Variants in ROBO2 observed in about 807,000 individuals in gnomAD.
The protein encoded by ROBO2 is roundabout guidance receptor 2, also known as roundabout homolog 2.
Under a neutral mutation model 160.8 loss-of-function variants are expected in ROBO2, and 53 were observed. The observed-to-expected ratio is 0.33, with a 90% CI of 0.26 to 0.41. ROBO2 has a LOEUF of 0.41. ROBO2 is among the 10% of genes least tolerant of loss of function. The pLI, the probability that ROBO2 is intolerant of heterozygous loss-of-function variation, is 1.00. For synonymous variants in ROBO2, 664 were observed against 611.7 expected, an observed-to-expected ratio of 1.09 and a Z score of -1.26; for missense variants, 1,577 against 1,722.4, an observed-to-expected ratio of 0.92 and a Z score of 1.49.
Position 76,874,756 on chromosome 3 carries a change from A to G in ROBO2, c.110-223258A>G, listed in dbSNP as rs1405922101. Among the ~76,000 whole-genome samples the G allele has an allele frequency of 2.0e-5, 3 of 152,340 alleles. No homozygotes were observed. The East Asian group carries it at 5.8e-4, about 29-fold the overall frequency. ...AGTAAACAAAATTTGAGAGATGATC[A>G]TTTAATTTCTTCACAGTTGATGCAA... On this transcript the variant is annotated intron_variant, in intron 2 of 26. Transcript: ENST00000487694.
At chr3:77,540,064 T>G (rs1372666700) in intron 6 of ROBO2, among the ~76,000 whole-genome samples, 1 of 152,180 alleles carries the variant, frequency 6.6e-6, no homozygotes, top group African/African-American at 2.4e-5. Context: ...GAAGAATAAT[T>G]TGCAAGCATT....
intron 2 of ROBO2, among the ~76,000 whole-genome samples, chr3:76,859,851 T>C (rs1171013282): frequency 6.6e-6 from 1 of 152,168 alleles, no homozygotes; most frequent in Admixed American, 6.5e-5. Context: ...GTCTTGCTGT[T>C]TAAAATTAAA....
At chr3:76,563,698 A>G (rs1374593372) in intron 2 of ROBO2, among the ~76,000 whole-genome samples, 1 of 152,180 alleles carries the variant, frequency 6.6e-6, no homozygotes, top group East Asian at 1.9e-4. Flanking sequence ...TAACTTAAAC[A>G]TTTGAACACA....
intron 2 of ROBO2, among the ~76,000 whole-genome samples, chr3:76,457,622 G>A (rs562450332): frequency 7.2e-5 from 11 of 152,288 alleles, no homozygotes; most frequent in Middle Eastern, 3.4e-3. Flanking sequence ...TGTAGAGACC[G>A]TGTGGGGGCT....
At chr3:76,337,353 C>G (rs1401195577) in intron 2 of ROBO2, among the ~76,000 whole-genome samples, 1 of 152,086 alleles carries the variant, frequency 6.6e-6, no homozygotes, top group Non-Finnish European at 1.5e-5. Context: ...ATCTTTAACT[C>G]AATTGTTAGG....
chr3:77,610,160 T>G (rs965814216), intron 21 of ROBO2, among the ~76,000 whole-genome samples: 4 of 152,050 alleles, frequency 2.6e-5, no homozygotes, highest in African/African-American at 4.8e-5. Context: ...AAAGAAAGAT[T>G]ATTGAACACA....
intron 2 of ROBO2, among the ~76,000 whole-genome samples, chr3:76,908,895 G>A (rs755153469): frequency 4.6e-5 from 7 of 152,032 alleles, no homozygotes; most frequent in Non-Finnish European, 8.8e-5. Context: ...TCCTTCAGTC[G>A]GATAAAACTA....
chr3:76,285,966 T>C (rs1354240335), intron 2 of ROBO2, among the ~76,000 whole-genome samples: 15 of 152,192 alleles, frequency 9.9e-5, no homozygotes, highest in Admixed American at 9.8e-4. Context: ...GACTCAAAAA[T>C]TATTCAAGAT....
chr3:77,074,835 G>A (rs917511248), intron 1 of ROBO2, among the ~76,000 whole-genome samples: 3 of 152,150 alleles, frequency 2.0e-5, no homozygotes, highest in Admixed American at 6.6e-5. Flanking sequence ...AGATGACGGT[G>A]AGGCAACCTT....
At chr3:77,634,782 C>A in intron 23 of ROBO2, 88 bp from the exon 25 acceptor site, 1 of 1,218,338 alleles carries the variant, frequency 8.2e-7, no homozygotes. Flanking sequence ...GGTAGATTTA[C>A]AGGTTAGTCA....
Position 77,597,712 on chromosome 3 carries a change from GGAA to G in ROBO2, c.2854+963_2854+965del, listed in dbSNP as rs796691240. 1.5e-3 allele frequency among the ~76,000 whole-genome samples: 223 copies of G among 151,076 alleles called. 1 individual carries two copies. The highest frequency in any genetic ancestry group is 5.1e-3 in the African/African-American group (210 of 41,162). ...AAATTTAAAAATGAGTCAAAAGTAT[GGAA>G]AAAAAAAAGTGTTTAGAAAAGAAGT... On this transcript the variant is annotated intron_variant, in intron 19 of 25. Coordinates refer to ENST00000461745, the Ensembl canonical transcript of ROBO2.
At chr3:77,599,635 C>G (rs934500514) in intron 19 of ROBO2, among the ~76,000 whole-genome samples, 2 of 150,472 alleles carry the variant, frequency 1.3e-5, no homozygotes, top group African/African-American at 4.9e-5. Context: ...TACCCTAAAA[C>G]TTAGAGTATA....
At chr3:76,391,754 C>T (rs1235594456) in intron 2 of ROBO2, among the ~76,000 whole-genome samples, 1 of 152,114 alleles carries the variant, frequency 6.6e-6, no homozygotes, top group African/African-American at 2.4e-5. Context: ...TGTGATCTGC[C>T]CGTCTCGACC....
At chr3:77,146,406 A>T (rs2077124446) in intron 2 of ROBO2, among the ~76,000 whole-genome samples, 1 of 152,162 alleles carries the variant, frequency 6.6e-6, no homozygotes, top group South Asian at 2.1e-4. Context: ...AAAGATGAGT[A>T]TTCTCCATGG....
chr3:77,094,236 T>C (rs2070735663), intron 1 of ROBO2, among the ~76,000 whole-genome samples: 1 of 152,182 alleles, frequency 6.6e-6, no homozygotes, highest in Non-Finnish European at 1.5e-5. Flanking sequence ...GTCATATAAA[T>C]GGAATCGTAC....
rs2108003846 is a variant in ROBO2, at chr3:76,077,511, C to A, written c.109+139909C>A. 2.0e-5 allele frequency among the ~76,000 whole-genome samples: 3 copies of A among 152,184 alleles called. 1 individual carries two copies. Among genetic ancestry groups the A allele is most frequent in the Admixed American group, 2.0e-4 (3 of 15,286 alleles). ...TCTGGAGATGGAGGTTGCAGTGAAC[C>A]AAGATCGTGCCACTGCACTCCAACC... On this transcript the variant is annotated intron_variant, in intron 2 of 26. Transcript: ENST00000487694.
intron 2 of ROBO2, among the ~76,000 whole-genome samples, chr3:77,318,956 C>T (rs1304986495): frequency 6.6e-6 from 1 of 152,162 alleles, no homozygotes; most frequent in East Asian, 1.9e-4. Flanking sequence ...TGGTTCTAAT[C>T]CATCTTCTAT....
At chr3:76,598,807 A>G (rs1454275588) in intron 2 of ROBO2, among the ~76,000 whole-genome samples, 1 of 152,190 alleles carries the variant, frequency 6.6e-6, no homozygotes, top group East Asian at 1.9e-4. Flanking sequence ...TAATATGGCA[A>G]TGTAAGAATA....
At chr3:77,340,320 C>T (rs148744314) in intron 2 of ROBO2, among the ~76,000 whole-genome samples, 1,537 of 152,112 alleles carry the variant, frequency 0.01, 21 homozygotes, top group African/African-American at 0.035. Flanking sequence ...TTCTAAAGAA[C>T]ATATCTTAAT....
Sources: allele counts gnomAD v4.1 joint callset (sites outside exome capture counted in the v4.1 genomes callset), GRCh38; gene constraint gnomAD v4.1.1; transcripts MANE v1.5; gene names NCBI Gene and HGNC (gene_info 2026-07-23, HGNC 2026-07-21).